Variants in CSPP1 observed in about 807,000 individuals in gnomAD.
CSPP1 encodes the protein centrosome and spindle pole-associated protein 1.
CSPP1 carries 126 observed loss-of-function variants against 164.4 expected under a neutral mutation model. The observed-to-expected ratio is 0.77, with a 90% CI of 0.66 to 0.89. The LOEUF is 0.89. Ranked by LOEUF, CSPP1 falls within the 40% of genes least tolerant of loss-of-function variation. The pLI is 0.00. For synonymous variants in CSPP1, 472 were observed against 476.7 expected (o/e 0.99, Z 0.13); for missense variants, 1,395 against 1,449.8 (o/e 0.96, Z 0.61).
At chr8:67,171,326 G>T (rs992042803) in intron 24 of CSPP1, among the ~76,000 whole-genome samples, 3 of 151,120 alleles carry the variant, frequency 2.0e-5, no homozygotes, top group African/African-American at 7.3e-5. Flanking sequence ...GCTTAAACCC[G>T]GGAGGAGGAG....
intron 18 of CSPP1, among the ~76,000 whole-genome samples, chr8:67,150,278 C>T (rs1825460475): frequency 6.6e-6 from 1 of 152,124 alleles, no homozygotes; most frequent in Non-Finnish European, 1.5e-5. Flanking sequence ...ATATCCATAG[C>T]TGTTTGAATT....
At chr8:67,136,146 A>T (rs1198214942) in intron 16 of CSPP1, among the ~76,000 whole-genome samples, 1 of 152,232 alleles carries the variant, frequency 6.6e-6, no homozygotes, top group Non-Finnish European at 1.5e-5. Flanking sequence ...ATAATAATTT[A>T]AAAAGTTTGA....
chr8:67,189,142 A>G (rs1280712827), intron 28 of CSPP1, among the ~76,000 whole-genome samples: 1 of 152,236 alleles, frequency 6.6e-6, no homozygotes, highest in African/African-American at 2.4e-5. Context: ...TTATGGAGCA[A>G]TAGGAACTCT....
intron 17 of CSPP1, among the ~76,000 whole-genome samples, chr8:67,144,170 C>G (rs185290830): frequency 1.2e-3 from 177 of 152,252 alleles, no homozygotes; most frequent in African/African-American, 4.0e-3. Flanking sequence ...TTTTCTGCAT[C>G]TATTGAGATG....
intron 30 of CSPP1, among the ~76,000 whole-genome samples, chr8:67,193,811 T>A (rs1225215746): frequency 2.6e-5 from 4 of 152,238 alleles, no homozygotes; most frequent in Non-Finnish European, 5.9e-5. Context: ...GGGTGCCCAT[T>A]TTAGAGTGGA....
chr8:67,103,718 T>C (rs1469426682), intron 8 of CSPP1, among the ~76,000 whole-genome samples: 1 of 151,452 alleles, frequency 6.6e-6, no homozygotes, highest in African/African-American at 2.4e-5. Flanking sequence ...GTAATCCCTG[T>C]AATCCCAGCT....
At chr8:67,112,517 A>G (rs1817068280) in intron 10 of CSPP1, among the ~76,000 whole-genome samples, 1 of 152,058 alleles carries the variant, frequency 6.6e-6, no homozygotes. Flanking sequence ...GTCCCTCTTC[A>G]TTTTCTATTA....
intron 3 of CSPP1, among the ~76,000 whole-genome samples, chr8:67,084,627 T>C (rs1238629469): frequency 1.3e-5 from 2 of 152,054 alleles, no homozygotes; most frequent in African/African-American, 4.8e-5. Flanking sequence ...TAGTCCTAGC[T>C]ACTCGGGAGG....
Position 67,195,514 on chromosome 8 carries a change from A to T in CSPP1, c.3602A>T (p.Gln1201Leu). ...ACGCTGAAACGTTTCATGGCAGAGC[A>T]GCTGAACCAGGAGCAGCAGCAGATT... ...SETLKRFMAE[Q>L]LNQEQQQIPG... The change falls in exon 31 of 31, where the codon CAG becomes CTG. Residue 1201 changes from glutamine to leucine, a missense_variant. Gln to Leu is a moderately radical substitution (Grantham distance 113). Transcript: ENST00000678616. 1.2e-6 allele frequency: 2 copies of T among 1,614,220 alleles called. No individual in the cohort carries two copies.
intron 8 of CSPP1, among the ~76,000 whole-genome samples, chr8:67,104,063 G>A (rs998333853): frequency 5.3e-5 from 8 of 152,058 alleles, no homozygotes; most frequent in Middle Eastern, 3.4e-3. Flanking sequence ...GCATTCCTGT[G>A]TCGTACATAA....
intron 1 of CSPP1, among the ~76,000 whole-genome samples, chr8:67,070,915 G>A (rs1429033983): frequency 6.6e-6 from 1 of 151,370 alleles, no homozygotes; most frequent in Non-Finnish European, 1.5e-5. Context: ...ACTATGCCTG[G>A]CTAATTTTAT....
intron 29 of CSPP1, among the ~76,000 whole-genome samples, chr8:67,192,040 T>A (rs919647915): frequency 2.0e-5 from 3 of 151,964 alleles, no homozygotes; most frequent in Non-Finnish European, 4.4e-5. Flanking sequence ...TTAGGAGATA[T>A]GTCTATTCAA....
At chr8:67,151,281 A>C (rs1825641011) in intron 18 of CSPP1, among the ~76,000 whole-genome samples, 1 of 152,232 alleles carries the variant, frequency 6.6e-6, no homozygotes, top group Non-Finnish European at 1.5e-5. Flanking sequence ...TTTTGACAAT[A>C]TTATTGATTT....
intron 24 of CSPP1, among the ~76,000 whole-genome samples, chr8:67,171,600 T>A (rs1320174332): frequency 6.6e-6 from 1 of 151,978 alleles, no homozygotes; most frequent in East Asian, 1.9e-4. Context: ...CAAGCTGGAG[T>A]GCAGTGGCGT....
intron 24 of CSPP1, 147 bp from the exon 25 acceptor site, chr8:67,172,269 C>T (rs1022842632): frequency 2.7e-5 from 14 of 521,748 alleles, no homozygotes; most frequent in Non-Finnish European, 4.7e-5. Flanking sequence ...GCTGGGATTA[C>T]AAGTGTGAGC....
intron 17 of CSPP1, among the ~76,000 whole-genome samples, chr8:67,144,210 A>G (rs1824042736): frequency 6.6e-6 from 1 of 152,170 alleles, no homozygotes; most frequent in Non-Finnish European, 1.5e-5. Context: ...CTTCTGACCT[A>G]TGGTAAATTA....
At chr8:67,159,996 C>CTTTTCTTTTCTTTTCTTTTCTTTTA (rs1827906619) in intron 21 of CSPP1, among the ~76,000 whole-genome samples, 1 of 70,518 alleles carries the variant, frequency 1.4e-5, no homozygotes, top group Non-Finnish European at 2.4e-5. Flanking sequence ...CTTTTCTTTT[C>CTTTTCTTTTCTTTTCTTTTCTTTTA]TTTTCTTTTC....
At chr8:67,146,838 T>C (rs904039146) in intron 17 of CSPP1, among the ~76,000 whole-genome samples, 12 of 152,230 alleles carry the variant, frequency 7.9e-5, no homozygotes, top group Non-Finnish European at 1.6e-4. Flanking sequence ...TTATGATGAT[T>C]TACATTTAAA....
intron 18 of CSPP1, among the ~76,000 whole-genome samples, chr8:67,150,928 A>G (rs573067739): frequency 9.0e-4 from 137 of 152,352 alleles, no homozygotes; most frequent in African/African-American, 3.2e-3. Flanking sequence ...GTGCTTTCAC[A>G]GAAGTTTTGA....
Sources: allele counts gnomAD v4.1 joint callset (sites outside exome capture counted in the v4.1 genomes callset), GRCh38; gene constraint gnomAD v4.1.1; transcripts MANE v1.5; gene names NCBI Gene and HGNC (gene_info 2026-07-23, HGNC 2026-07-21).